The following RPS6KA2 variants were observed in gnomAD, a reference collection of about 807,000 sequenced individuals.
RPS6KA2 encodes ribosomal protein S6 kinase A2.
RPS6KA2 carries 42 observed loss-of-function variants against 91.8 expected under a neutral mutation model. The observed-to-expected ratio is 0.46, with a 90% CI of 0.36 to 0.59. The LOEUF (loss-of-function observed/expected upper bound fraction) is 0.59, where lower values mean the gene tolerates loss of function less well. RPS6KA2 is among the 20% of genes least tolerant of loss of function. The pLI, the probability that RPS6KA2 is intolerant of heterozygous loss-of-function variation, is 0.00. For synonymous variants in RPS6KA2, 414 were observed against 393.6 expected (o/e 1.05, Z -0.61); for missense variants, 798 against 978.5 (o/e 0.82, Z 2.46).
rs534883572 is a variant in RPS6KA2, at chr6:166,522,062, C to T, written c.298+9170G>A. Among the ~76,000 whole-genome samples, 14 of 152,252 alleles carry T rather than the reference C, an allele frequency of 9.2e-5. No individual in the cohort carries two copies. In the South Asian group the frequency reaches 2.5e-3, roughly 27 times the overall value. ...TCCCCAGGCACAAAATCTGACACAGCCTGGATCTTGGACTTGTGGCAGAAC... is the reference window on the plus strand; with the variant it reads ...TCCCCAGGCACAAAATCTGACACAGTCTGGATCTTGGACTTGTGGCAGAAC... On this transcript the variant is annotated intron_variant, in intron 3 of 20. Transcript: ENST00000265678.
At chr6:166,567,988 C>G (rs1000449383) in intron 1 of RPS6KA2, among the ~76,000 whole-genome samples, 1 of 152,192 alleles carries the variant, frequency 6.6e-6, no homozygotes, top group Non-Finnish European at 1.5e-5. Flanking sequence ...CGCCTGGCAG[C>G]TCCTCCTCCT....
chr6:166,688,701 G>A (rs547467758), intron 2 of RPS6KA2, among the ~76,000 whole-genome samples: 4 of 152,314 alleles, frequency 2.6e-5, no homozygotes, highest in East Asian at 1.9e-4. Context: ...CGTTGAAACC[G>A]CAGTTGTGCT....
intron 2 of RPS6KA2, chr6:166,700,974 C>G (rs1336526797): frequency 2.6e-6 from 2 of 779,666 alleles, no homozygotes; most frequent in Non-Finnish European, 2.2e-6. Flanking sequence ...TCCTCAGAAA[C>G]AAGTGGCTAG....
At chr6:166,527,742 C>T (rs1049705640) in intron 3 of RPS6KA2, among the ~76,000 whole-genome samples, 25 of 152,308 alleles carry the variant, frequency 1.6e-4, no homozygotes, top group African/African-American at 4.8e-4. Context: ...GGAAACCACT[C>T]ATCTACTTCC....
intron 2 of RPS6KA2, among the ~76,000 whole-genome samples, chr6:166,837,611 G>A (rs1234012750): frequency 6.6e-6 from 1 of 152,186 alleles, no homozygotes; most frequent in African/African-American, 2.4e-5. Flanking sequence ...TGGGGCTCTG[G>A]GGTCCTAGGC....
intron 1 of RPS6KA2, among the ~76,000 whole-genome samples, chr6:166,555,456 C>A (rs1216334604): frequency 1.3e-5 from 2 of 152,314 alleles, no homozygotes; most frequent in East Asian, 3.9e-4. Context: ...TAGAATATAG[C>A]TTCTTCCTCT....
In RPS6KA2 at chr6:166,735,867, G is replaced by A. The variant is rs150435421; in HGVS notation, c.123+122333C>T. Among the ~76,000 whole-genome samples, 287 of 152,308 alleles carry A rather than the reference G, an allele frequency of 1.9e-3. 4 individuals carry two copies. Among genetic ancestry groups the A allele is most frequent in the Admixed American group, 4.4e-3 (67 of 15,296 alleles). On this transcript the variant is annotated intron_variant, in intron 2 of 21. Transcript: ENST00000503859. ...TGTGGCCGAGGGGTTGAGGACTCCT[G>A]ATTTAGGAAAACACTACAACAGACA... is the stretch of plus-strand genomic sequence containing the variant.
intron 1 of RPS6KA2, among the ~76,000 whole-genome samples, chr6:166,545,021 A>G (rs969593912): frequency 3.3e-5 from 5 of 152,220 alleles, no homozygotes; most frequent in Admixed American, 6.5e-5. Flanking sequence ...CTACAAAATC[A>G]TAGGAGGAAG....
intron 1 of RPS6KA2, among the ~76,000 whole-genome samples, chr6:166,859,453 C>T (rs1780993159): frequency 6.6e-6 from 1 of 152,190 alleles, no homozygotes; most frequent in South Asian, 2.1e-4. Flanking sequence ...TTCAACTTGC[C>T]AGAACATAAT....
intron 2 of RPS6KA2, among the ~76,000 whole-genome samples, chr6:166,830,136 AAAAAAG>A (rs1184981656): frequency 1.9e-4 from 21 of 108,316 alleles, no homozygotes; most frequent in East Asian, 1.1e-3. Context: ...AAAAAAAAAA[AAAAAAG>A]AAAGAAAGAA....
intron 2 of RPS6KA2, among the ~76,000 whole-genome samples, chr6:166,729,043 G>A (rs1355922950): frequency 6.6e-6 from 1 of 152,204 alleles, no homozygotes; most frequent in Non-Finnish European, 1.5e-5. Context: ...GTGCTCCCCT[G>A]CGGAAGGGCC....
At chr6:166,797,856 G>A (rs148542128) in intron 2 of RPS6KA2, among the ~76,000 whole-genome samples, 5 of 152,260 alleles carry the variant, frequency 3.3e-5, no homozygotes, top group South Asian at 2.1e-4. Context: ...AGGTGTAACC[G>A]CCGGGTCCAG....
rs777679632 is a variant in RPS6KA2, at chr6:166,459,451, G to C, written c.1073C>G (p.Thr358Arg). 1.2e-6 allele frequency: 2 copies of C among 1,611,582 alleles called. No homozygotes were observed. The highest frequency in any genetic ancestry group is 1.7e-6 in the Non-Finnish European group (2 of 1,177,926). Residue 358 changes from threonine to arginine, a missense_variant and splice_region_variant, in exon 12 of 21, where the codon ACA (threonine) becomes AGA (arginine). Transcript: ENST00000265678. This position sits in a 1 kb window ranked among gnomAD's most constrained non-coding sequence, Gnocchi z 4.9. ...GAGGGAACCACTGTGGCACACACCT[G>C]TGGGCGTCCGCGCTGTGAACTCGGG... ...FDPEFTARTP[T>R]DSPGVPPSAN...
chr6:166,524,688 C>T (rs1376056213), intron 3 of RPS6KA2, among the ~76,000 whole-genome samples: 1 of 152,214 alleles, frequency 6.6e-6, no homozygotes, highest in Non-Finnish European at 1.5e-5. Flanking sequence ...CTTTCCAAGC[C>T]TTTGCTTGAG....
At chr6:166,636,176 G>A (rs1257327851) in intron 2 of RPS6KA2, among the ~76,000 whole-genome samples, 1 of 150,516 alleles carries the variant, frequency 6.6e-6, no homozygotes, top group African/African-American at 2.4e-5. Flanking sequence ...TTCATTCTTG[G>A]AACCGCCAAG....
chr6:166,824,982 G>C (rs1055015789), intron 2 of RPS6KA2, among the ~76,000 whole-genome samples: 3 of 152,250 alleles, frequency 2.0e-5, no homozygotes, highest in African/African-American at 7.2e-5. Context: ...CCTGTCCGGG[G>C]TGCTAACTTG....
At chr6:166,479,378 C>T (rs6926193) in intron 10 of RPS6KA2, among the ~76,000 whole-genome samples, 29,614 of 152,226 alleles carry the variant, frequency 0.19, 3,375 homozygotes, top group African/African-American at 0.32. Flanking sequence ...TGGGGACAGG[C>T]GGTGGCCCCA....
At chr6:166,488,960 G>T in intron 9 of RPS6KA2, 39 bp from the exon 10 acceptor site, 1 of 1,543,240 alleles carries the variant, frequency 6.5e-7, no homozygotes, top group African/African-American at 1.4e-5. Context: ...TATTTTAGGA[G>T]AACAAGGACA....
In RPS6KA2 at chr6:166,418,416, A is replaced by G; in HGVS notation, c.1821-74T>C. ...AAAATAAAGTTTGCAAGTTGATATCACCCCTTGGCTGTTCAAAGGAATAGC... is the reference window on the plus strand; with the variant it reads ...AAAATAAAGTTTGCAAGTTGATATCGCCCCTTGGCTGTTCAAAGGAATAGC... On this transcript the variant is annotated intron_variant, in intron 18 of 20. Transcript: ENST00000265678. The surrounding 1 kb of genome is among the most constrained non-coding windows in gnomAD (Gnocchi z 4.9). 2 of 1,094,864 alleles carry G rather than the reference A, an allele frequency of 1.8e-6. No homozygotes were observed. The highest frequency in any genetic ancestry group is 2.6e-5 in the South Asian group (2 of 78,122). 67.8% of individuals were successfully genotyped at this position (1,094,864 alleles called of 1,614,324 possible).
Sources: allele counts gnomAD v4.1 joint callset (sites outside exome capture counted in the v4.1 genomes callset), GRCh38; gene constraint gnomAD v4.1.1; non-coding constraint Gnocchi (gnomAD v3.1); transcripts MANE v1.5; gene names NCBI Gene and HGNC (gene_info 2026-07-23, HGNC 2026-07-21).